Variants in KLHL1 observed in about 807,000 individuals in gnomAD.
KLHL1 encodes kelch like family member 1, also known as kelch-like protein 1.
Under a neutral mutation model 77.7 loss-of-function variants are expected in KLHL1, and 47 were observed. That is an observed-to-expected ratio of 0.60 (90% confidence interval 0.48 to 0.77). The LOEUF (loss-of-function observed/expected upper bound fraction) is 0.77, where lower values mean the gene tolerates loss of function less well. Ranked by LOEUF, KLHL1 falls within the 30% of genes least tolerant of loss-of-function variation. The pLI is 0.00. For missense variants in KLHL1, 925 were observed against 910.8 expected (o/e 1.02, Z -0.20); for synonymous variants, 360 against 325.2 (o/e 1.11, Z -1.15).
chr13:69,904,263 G>A (rs1205792528), intron 4 of KLHL1, among the ~76,000 whole-genome samples: 2 of 152,060 alleles, frequency 1.3e-5, no homozygotes, highest in Non-Finnish European at 2.9e-5. Context: ...AATTTTATGA[G>A]TCTCAACCAG....
chr13:69,915,517 C>T (rs567516381), intron 4 of KLHL1, among the ~76,000 whole-genome samples: 43 of 152,148 alleles, frequency 2.8e-4, no homozygotes, highest in East Asian at 5.8e-4. Flanking sequence ...TAATAAATGG[C>T]GCTGGGAAAA....
At chr13:69,999,870 T>C (rs1885244766) in intron 1 of KLHL1, among the ~76,000 whole-genome samples, 1 of 152,130 alleles carries the variant, frequency 6.6e-6, no homozygotes. Flanking sequence ...ATTTACCTTC[T>C]TTCACTTTCC....
At chr13:69,832,449 T>C (rs1376749298) in intron 6 of KLHL1, among the ~76,000 whole-genome samples, 2 of 149,962 alleles carry the variant, frequency 1.3e-5, no homozygotes, top group African/African-American at 2.5e-5. Flanking sequence ...AAAGAAATCA[T>C]TGATGACAGA....
chr13:69,859,980 TAGTATGATACC>T (rs1880072570), intron 5 of KLHL1, among the ~76,000 whole-genome samples: 1 of 152,024 alleles, frequency 6.6e-6, no homozygotes, highest in Non-Finnish European at 1.5e-5. Flanking sequence ...AACAACTATT[TAGTATGATACC>T]ATCCCTGACT....
chr13:70,067,252 C>T (rs1391548996), intron 1 of KLHL1, among the ~76,000 whole-genome samples: 1 of 152,190 alleles, frequency 6.6e-6, no homozygotes, highest in Non-Finnish European at 1.5e-5. Context: ...AAAGTACCCT[C>T]TACTCATTGT....
chr13:69,760,671 A>G lies in KLHL1; in HGVS notation c.1640-20115T>C, dbSNP rs544146022. Among the ~76,000 whole-genome samples, 22 of 152,218 alleles carry G rather than the reference A, an allele frequency of 1.4e-4. No homozygotes were observed. In the East Asian group the frequency reaches 3.5e-3, roughly 24 times the overall value. ...TGCCCTGCCACAAGATTTAAATTTT[A>G]TCATCAATTAGTCACTTAAGCAGTT... On this transcript the variant is annotated intron_variant, in intron 7 of 10. Coordinates refer to ENST00000377844, the MANE Select transcript of KLHL1 (RefSeq NM_020866.3).
chr13:70,007,792 C>T (rs941773992), intron 1 of KLHL1, among the ~76,000 whole-genome samples: 5 of 151,874 alleles, frequency 3.3e-5, no homozygotes, highest in Non-Finnish European at 7.4e-5. Context: ...AATACAAACA[C>T]AGAGGTCTCT....
At chr13:69,859,478 C>T (rs74884727) in intron 5 of KLHL1, among the ~76,000 whole-genome samples, 5,434 of 151,998 alleles carry the variant, frequency 0.036, 307 homozygotes, top group African/African-American at 0.12. Flanking sequence ...TCCAGTAGGG[C>T]AGACGCTGTG....
At chr13:69,785,772 A>C (rs989989609) in intron 7 of KLHL1, among the ~76,000 whole-genome samples, 17 of 152,154 alleles carry the variant, frequency 1.1e-4, no homozygotes, top group Non-Finnish European at 4.4e-5. Flanking sequence ...AGACTAATAA[A>C]GAAGAAAAGA....
At chr13:70,107,120 A>T in intron 1 of KLHL1, 83 bp downstream of exon 1, 1 of 1,512,050 alleles carries the variant, frequency 6.6e-7, no homozygotes, top group Non-Finnish European at 8.8e-7. Context: ...GAAACATTTT[A>T]GACTTAGTAG....
intron 4 of KLHL1, among the ~76,000 whole-genome samples, chr13:69,890,865 C>G (rs535111767): frequency 6.6e-6 from 1 of 152,050 alleles, no homozygotes; most frequent in Non-Finnish European, 1.5e-5. Flanking sequence ...TTTTTTGACT[C>G]TATATTGCTT....
At chr13:70,065,527 C>A (rs1458018815) in intron 1 of KLHL1, among the ~76,000 whole-genome samples, 1 of 152,176 alleles carries the variant, frequency 6.6e-6, no homozygotes, top group Non-Finnish European at 1.5e-5. Context: ...GACAAGAAAA[C>A]AGCCATTCTT....
At chr13:70,063,416 C>G (rs931506618) in intron 1 of KLHL1, among the ~76,000 whole-genome samples, 1 of 152,144 alleles carries the variant, frequency 6.6e-6, no homozygotes, top group South Asian at 2.1e-4. Context: ...ACTTCATTGG[C>G]ACCATCACAT....
intron 1 of KLHL1, among the ~76,000 whole-genome samples, chr13:70,014,782 A>G (rs1331898583): frequency 1.3e-5 from 2 of 152,086 alleles, no homozygotes; most frequent in Non-Finnish European, 2.9e-5. Context: ...GATGAAACAT[A>G]GTAGACTTAA....
intron 2 of KLHL1, among the ~76,000 whole-genome samples, chr13:69,972,353 G>A (rs968796402): frequency 1.3e-5 from 2 of 152,002 alleles, no homozygotes; most frequent in African/African-American, 4.8e-5. Context: ...TGTCAAATAT[G>A]TACAAACAGT....
At chr13:69,967,756 G>T (rs868868296) in intron 2 of KLHL1, among the ~76,000 whole-genome samples, 5 of 151,918 alleles carry the variant, frequency 3.3e-5, no homozygotes, top group Non-Finnish European at 5.9e-5. Context: ...GTGGTGGCGC[G>T]TGCCTGTAAT....
At chr13:69,870,585 C>A (rs111298813) in intron 5 of KLHL1, among the ~76,000 whole-genome samples, 2 of 151,886 alleles carry the variant, frequency 1.3e-5, no homozygotes, top group African/African-American at 2.4e-5. Context: ...AAAAGTCAAG[C>A]CTCATTTGAG....
chr13:70,026,363 T>C (rs1374479356), intron 1 of KLHL1, among the ~76,000 whole-genome samples: 4 of 152,114 alleles, frequency 2.6e-5, no homozygotes, highest in Admixed American at 2.6e-4. Context: ...CTACATATAG[T>C]TAACTTAGAA....
chr13:69,750,984 C>T (rs1874451114), intron 7 of KLHL1, among the ~76,000 whole-genome samples: 1 of 151,888 alleles, frequency 6.6e-6, no homozygotes, highest in African/African-American at 2.4e-5. Flanking sequence ...TTTTTATGTA[C>T]ATTCACAATT....
Sources: allele counts gnomAD v4.1 joint callset (sites outside exome capture counted in the v4.1 genomes callset), GRCh38; gene constraint gnomAD v4.1.1; transcripts MANE v1.5; gene names NCBI Gene and HGNC (gene_info 2026-07-23, HGNC 2026-07-21).